RIMS1: variants seen among roughly 807,000 people sequenced by gnomAD.
RIMS1 encodes regulating synaptic membrane exocytosis 1, also known as regulating synaptic membrane exocytosis protein 1.
In RIMS1, 83 loss-of-function variants were observed where a neutral mutation model predicts 214.1. The ratio of observed to expected loss-of-function variants is 0.39; its 90% CI spans 0.32 to 0.47. The LOEUF is 0.47. Ranked by LOEUF, RIMS1 falls within the 20% of genes least tolerant of loss-of-function variation. The pLI is 0.99. For missense variants in RIMS1, 2,050 were observed against 2,161.8 expected (o/e 0.95, Z 1.03); for synonymous variants, 793 against 786.8 (o/e 1.01, Z -0.13).
chr6:71,894,679 A>G (rs1239414363), intron 1 of RIMS1, among the ~76,000 whole-genome samples: 1 of 152,204 alleles, frequency 6.6e-6, no homozygotes, highest in Non-Finnish European at 1.5e-5. Context: ...AGATTTTGGG[A>G]TGTAATATTT....
At chr6:72,077,160 T>A (rs1047773908) in intron 2 of RIMS1, among the ~76,000 whole-genome samples, 1 of 152,244 alleles carries the variant, frequency 6.6e-6, no homozygotes, top group South Asian at 2.1e-4. Flanking sequence ...TCCTTCAGGA[T>A]CCCACTCCTC....
rs894109470 is a variant in RIMS1, at chr6:72,313,616, C to G, written c.4074C>G (p.Arg1358=). ...SAISRTSSAS[R]LSSTSFMSEQ... is the part of the protein sequence containing the mutation. ...TTTCCCGAACCAGCAGTGCCTCACG[C>G]CTCAGCAGCACAAGCTTTATGTCAG... Residue 1358 remains arginine (R), a synonymous_variant, in exon 28 of 34, where the codon CGC becomes CGG. Transcript: ENST00000521978. The G allele has an allele frequency of 6.2e-7, 1 of 1,613,564 alleles. No individual in the cohort carries two copies. The highest frequency in any genetic ancestry group is 1.3e-5 in the African/African-American group (1 of 74,948).
intron 29 of RIMS1, among the ~76,000 whole-genome samples, chr6:72,389,449 G>A (rs1361092887): frequency 1.3e-5 from 2 of 152,062 alleles, no homozygotes; most frequent in East Asian, 1.9e-4. Context: ...AGTTCATATA[G>A]CATAACCTAT....
At position 72,182,609 on chromosome 6, in the gene RIMS1, C is replaced by T. The variant is rs2048534541; in HGVS notation, c.1138C>T (p.Arg380Trp). 1 of 1,547,510 alleles carries T rather than the reference C, an allele frequency of 6.5e-7. No homozygotes were observed. The highest frequency in any genetic ancestry group is 8.7e-7 in the Non-Finnish European group (1 of 1,146,428). The change falls in exon 6 of 34, where the codon CGG (arginine) becomes TGG (tryptophan). Residue 380 changes from arginine (R) to tryptophan (W), a missense_variant. Coordinates refer to ENST00000521978, the MANE Select transcript of RIMS1 (RefSeq NM_014989.7). ...GGAGCAGCAGATGCGCATGCACGCC[C>T]GGGTGTCCCGCGCCAGGCACGAGCG... is the stretch of plus-strand genomic sequence containing the variant. ...PEEQQMRMHA[R>W]VSRARHERRH...
At chr6:72,109,227 G>A (rs1332600041) in intron 4 of RIMS1, among the ~76,000 whole-genome samples, 1 of 152,100 alleles carries the variant, frequency 6.6e-6, no homozygotes, top group South Asian at 2.1e-4. Context: ...GTAATGGGAT[G>A]GCTGGGTCAA....
intron 1 of RIMS1, among the ~76,000 whole-genome samples, chr6:71,890,319 TCCCA>T (rs1297029128): frequency 3.3e-5 from 5 of 152,056 alleles, no homozygotes; most frequent in Non-Finnish European, 7.4e-5. Context: ...AATAGTTGGC[TCCCA>T]CAAATTATGT....
At chr6:72,122,104 T>C (rs901220392) in intron 4 of RIMS1, among the ~76,000 whole-genome samples, 2 of 151,862 alleles carry the variant, frequency 1.3e-5, no homozygotes, top group Admixed American at 1.3e-4. Context: ...GGGATATTTG[T>C]CTAAAATTCT....
At chr6:72,176,238 C>G (rs1352339639) in intron 4 of RIMS1, among the ~76,000 whole-genome samples, 1 of 152,070 alleles carries the variant, frequency 6.6e-6, no homozygotes, top group Non-Finnish European at 1.5e-5. Flanking sequence ...TGTTTGTGTG[C>G]TTTAAATAAA....
At chr6:71,959,614 T>A (rs1430905392) in intron 1 of RIMS1, among the ~76,000 whole-genome samples, 3 of 152,062 alleles carry the variant, frequency 2.0e-5, no homozygotes, top group Admixed American at 6.6e-5. Flanking sequence ...ATCCTTTTTT[T>A]TTTTAAAGTG....
intron 9 of RIMS1, among the ~76,000 whole-genome samples, chr6:72,238,722 A>G (rs2065369698): frequency 1.3e-5 from 2 of 152,162 alleles, no homozygotes; most frequent in African/African-American, 2.4e-5. Context: ...TATAAAGGAA[A>G]CAGAGTTGGC....
At chr6:72,117,708 TAAA>T (rs2037360827) in intron 4 of RIMS1, among the ~76,000 whole-genome samples, 1 of 151,950 alleles carries the variant, frequency 6.6e-6, no homozygotes, top group Non-Finnish European at 1.5e-5. Context: ...AAGATGGAAT[TAAA>T]AAATTCTTTG....
At chr6:72,222,069 T>C (rs972567349) in intron 6 of RIMS1, among the ~76,000 whole-genome samples, 1 of 152,010 alleles carries the variant, frequency 6.6e-6, no homozygotes, top group African/African-American at 2.4e-5. Flanking sequence ...TTATAAAAAA[T>C]TATAAAATAT....
At chr6:72,254,403 T>C (rs2074886873) in intron 16 of RIMS1, among the ~76,000 whole-genome samples, 1 of 152,144 alleles carries the variant, frequency 6.6e-6, no homozygotes, top group Non-Finnish European at 1.5e-5. Flanking sequence ...TAACATCATA[T>C]TAGTTTGTCA....
At chr6:72,252,856 C>A (rs1422507251) in intron 16 of RIMS1, 24 bp downstream of exon 16, 2 of 1,526,330 alleles carry the variant, frequency 1.3e-6, no homozygotes, top group African/African-American at 1.4e-5. Context: ...GAGCATGACC[C>A]TGCTTCACTG....
chr6:72,219,944 A>T (rs550848014), intron 6 of RIMS1, among the ~76,000 whole-genome samples: 8 of 152,158 alleles, frequency 5.3e-5, no homozygotes, highest in African/African-American at 1.7e-4. Context: ...CAGAGAAGAG[A>T]TGTTAGTACA....
At chr6:72,315,868 T>G (rs147382461) in intron 28 of RIMS1, among the ~76,000 whole-genome samples, 2 of 152,308 alleles carry the variant, frequency 1.3e-5, no homozygotes, top group East Asian at 3.9e-4. Flanking sequence ...ATGTAAATAT[T>G]CCCTGCCCTT....
chr6:72,366,564 T>C (rs539627753), intron 29 of RIMS1, among the ~76,000 whole-genome samples: 3 of 152,342 alleles, frequency 2.0e-5, no homozygotes, highest in East Asian at 3.9e-4. Context: ...TTATGACACA[T>C]GGCAAATTTG....
intron 6 of RIMS1, among the ~76,000 whole-genome samples, chr6:72,210,320 G>C (rs2053602493): frequency 6.6e-6 from 1 of 152,172 alleles, no homozygotes; most frequent in South Asian, 2.1e-4. Context: ...AGTTTAGCCA[G>C]TGCTAACTTT....
At chr6:72,160,310 A>G (rs1006466575) in intron 4 of RIMS1, among the ~76,000 whole-genome samples, 1 of 139,782 alleles carries the variant, frequency 7.2e-6, no homozygotes, top group African/African-American at 2.5e-5. Flanking sequence ...TTCTAGATAT[A>G]CAATCATGTC....
Sources: allele counts gnomAD v4.1 joint callset (sites outside exome capture counted in the v4.1 genomes callset), GRCh38; gene constraint gnomAD v4.1.1; transcripts MANE v1.5; gene names NCBI Gene and HGNC (gene_info 2026-07-23, HGNC 2026-07-21).